Variants in CLDN11 observed in about 807,000 individuals in gnomAD.
CLDN11 encodes claudin 11.
CLDN11 carries 1 observed loss-of-function variant against 18.0 expected under a neutral mutation model. That is an observed-to-expected ratio of 0.06 (90% CI 0.02 to 0.26). CLDN11 has a LOEUF of 0.26. Ranked by LOEUF, CLDN11 falls within the 10% of genes least tolerant of loss-of-function variation. The pLI is 1.00. For synonymous variants in CLDN11, 116 were observed against 121.5 expected (o/e 0.96, Z 0.30); for missense variants, 172 against 276.6 (o/e 0.62, Z 2.68).
rs1386592188 is a variant in CLDN11, at chr3:170,419,123, C to T, written c.57C>T (p.Ile19=). 1.3e-6 allele frequency: 2 copies of T among 1,551,904 alleles called. No individual in the cohort carries two copies. The highest frequency in any genetic ancestry group is 1.7e-6 in the Non-Finnish European group (2 of 1,147,350). ...VGFVTSFVGW[I]GVIVTTSTND... ...TCGTCACGAGCTTCGTGGGCTGGAT[C>T]GGGGTCATCGTGACCACCTCCACCA... is the stretch of plus-strand genomic sequence containing the variant. The change falls in exon 1 of 3, where the codon ATC becomes ATT. Residue 19 remains isoleucine (I), a synonymous_variant. Transcript: ENST00000064724. The surrounding 1 kb of genome is among the most constrained non-coding windows in gnomAD (Gnocchi z 8.6).
intron 1 of CLDN11, 41 bp from the exon 2 acceptor site, chr3:170,423,122 C>T (rs765803426): frequency 1.2e-6 from 2 of 1,611,026 alleles, no homozygotes; most frequent in Non-Finnish European, 1.7e-6. Context: ...AGCAAGAGAA[C>T]CCTGTGGTCT....
rs550145717 is a variant in CLDN11, at chr3:170,421,309, C to T, written c.227-1854C>T. ...CAGCCAGTGCCATGGATTTCAGAAC[C>T]TGCATTGCCAGTTGACTGCCTGCTT... On this transcript the variant is annotated intron_variant, in intron 1 of 2. Transcript: ENST00000064724. The T allele has an allele frequency of 5.0e-5, 49 of 985,866 alleles. No homozygotes were observed. In the African/African-American group the frequency reaches 8.4e-4, roughly 17 times the overall value. 61.1% of individuals were successfully genotyped at this position (985,866 alleles called of 1,614,324 possible). A position where few individuals can be genotyped will look rare whatever the true frequency, so the allele number is the denominator to read the frequency against.
Position 170,432,683 on chromosome 3 carries a change from C to G in CLDN11, c.551C>G (p.Ala184Gly). ...CTCTGCTGCGCTGGAGATGCCCAGGCCTTTGGTGAAAACCGTTTCTACTAC... is the reference window on the plus strand; with the variant it reads ...CTCTGCTGCGCTGGAGATGCCCAGGGCTTTGGTGAAAACCGTTTCTACTAC... ...VILCCAGDAQ[A>G]FGENRFYYTA... is the part of the protein sequence containing the mutation. The change falls in exon 3 of 3, where the codon GCC becomes GGC. Residue 184 changes from alanine (A) to glycine (G), a missense_variant. Ala to Gly is a moderately conservative substitution (Grantham distance 60, BLOSUM62 0). Coordinates refer to ENST00000064724, the MANE Select transcript of CLDN11 (RefSeq NM_005602.6). 1 of 1,614,188 alleles carries G rather than the reference C, an allele frequency of 6.2e-7. No individual in the cohort carries two copies. The highest frequency in any genetic ancestry group is 8.5e-7 in the Non-Finnish European group (1 of 1,180,034).
intron 2 of CLDN11, among the ~76,000 whole-genome samples, chr3:170,426,433 T>C (rs1738855848): frequency 6.6e-6 from 1 of 152,154 alleles, no homozygotes; most frequent in Admixed American, 6.5e-5. Context: ...GTTTGTGGCT[T>C]TTCAAGAGTC....
intron 2 of CLDN11, among the ~76,000 whole-genome samples, chr3:170,426,537 C>G (rs912708917): frequency 6.6e-6 from 1 of 152,204 alleles, no homozygotes; most frequent in African/African-American, 2.4e-5. Flanking sequence ...CTACTACTTT[C>G]TAGCTGTGTG....
intron 2 of CLDN11, among the ~76,000 whole-genome samples, chr3:170,429,830 C>CT (rs1338183080): frequency 3.3e-5 from 5 of 152,190 alleles, no homozygotes; most frequent in Non-Finnish European, 7.3e-5. Context: ...GTGGGGAATG[C>CT]TTTCCTGCAT....
At chr3:170,420,683 C>G (rs546324036) in intron 1 of CLDN11, among the ~76,000 whole-genome samples, 10 of 152,300 alleles carry the variant, frequency 6.6e-5, no homozygotes, top group African/African-American at 2.4e-4. Flanking sequence ...GCAGTGCTTG[C>G]CTGGTTTGCC....
Position 170,421,726 on chromosome 3 carries a change from T to C in CLDN11, c.227-1437T>C, listed in dbSNP as rs372797042. ...CCTTTTTTAAGAGGAGGGAGAGTTTTAATGAGAAACATTACATTTGAAAGT... is the reference window on the plus strand; with the variant it reads ...CCTTTTTTAAGAGGAGGGAGAGTTTCAATGAGAAACATTACATTTGAAAGT... On this transcript the variant is annotated intron_variant, in intron 1 of 2. Transcript: ENST00000064724. 5.9e-4 allele frequency among the ~76,000 whole-genome samples: 90 copies of C among 152,350 alleles called. 1 individual carries two copies. The highest frequency in any genetic ancestry group is 2.1e-3 in the African/African-American group (87 of 41,570).
chr3:170,433,377 A>G lies in CLDN11; in HGVS notation c.*621A>G, dbSNP rs144763446. The G allele has an allele frequency of 0.011, 1,675 of 152,144 alleles. 18 individuals are homozygous for G. Among genetic ancestry groups the G allele is most frequent in the Middle Eastern group, 0.068 (20 of 294 alleles). 9.4% of individuals were successfully genotyped at this position (152,144 alleles called of 1,614,324 possible). ...GTTGGTCTCGAACTCCTGGACTCAA[A>G]GTATCCTCCCGCCTCGGCCTCCCAA... On this transcript the variant is annotated 3_prime_UTR_variant, in exon 3 of 3. Transcript: ENST00000064724.
At chr3:170,423,000 A>T in intron 1 of CLDN11, 163 bp from the exon 2 acceptor site, 1 of 731,368 alleles carries the variant, frequency 1.4e-6, no homozygotes, top group Non-Finnish European at 2.2e-6. Context: ...TTGTTTTAAA[A>T]GTTAAAAAGT....
At chr3:170,430,940 CT>C (rs1375598700) in intron 2 of CLDN11, among the ~76,000 whole-genome samples, 2 of 152,184 alleles carry the variant, frequency 1.3e-5, no homozygotes, top group African/African-American at 4.8e-5. Flanking sequence ...TTCAAATTAA[CT>C]CTCTTCCTTC....
At chr3:170,432,493 G>A (rs369897123) in intron 2 of CLDN11, 31 bp from the exon 3 acceptor site, 74 of 1,608,600 alleles carry the variant, frequency 4.6e-5, no homozygotes, top group African/African-American at 1.5e-4. Context: ...TGATGGTTGC[G>A]CCCAGTCACC....
intron 2 of CLDN11, 49 bp from the exon 3 acceptor site, chr3:170,432,475 T>G (rs368710254): frequency 6.2e-7 from 1 of 1,606,756 alleles, no homozygotes; most frequent in South Asian, 1.1e-5. Context: ...GCCCAAGTGC[T>G]TGGTGTGTGA....
At chr3:170,427,158 T>C (rs1577471193) in intron 2 of CLDN11, among the ~76,000 whole-genome samples, 1 of 152,340 alleles carries the variant, frequency 6.6e-6, no homozygotes, top group East Asian at 1.9e-4. Context: ...GGCTGTAATA[T>C]ATGCTTCATC....
intron 2 of CLDN11, 109 bp from the exon 3 acceptor site, chr3:170,432,415 T>C (rs1199210050): frequency 2.0e-6 from 3 of 1,531,858 alleles, no homozygotes; most frequent in Non-Finnish European, 2.6e-6. Flanking sequence ...ATGGAGCTTT[T>C]TGGAGCTGGT....
Position 170,432,623 on chromosome 3 carries a change from G to C in CLDN11, c.491G>C (p.Gly164Ala), listed in dbSNP as rs1217592147. The C allele has an allele frequency of 6.2e-7, 1 of 1,614,134 alleles. No homozygotes were observed. The highest frequency in any genetic ancestry group is 8.5e-7 in the Non-Finnish European group (1 of 1,180,040). ...FGYSLYAGWIGAVLCLVGGCV... is the reference protein window; with the variant it reads ...FGYSLYAGWIAAVLCLVGGCV... The stretch of plus-strand genomic sequence containing the variant: ...TACTCCCTGTATGCAGGCTGGATTG[G>C]TGCTGTGCTGTGCCTCGTGGGTGGC... Residue 164 changes from glycine to alanine, a missense_variant, in exon 3 of 3, where the codon GGT becomes GCT. Physicochemically the swap from Gly to Ala is moderately conservative, Grantham distance 60. This residue lies in a region of CLDN11 where 161 missense variants were observed against 240.3 expected (regional missense o/e 0.67). Transcript: ENST00000064724.
At chr3:170,423,457 TC>T in intron 2 of CLDN11, 130 bp downstream of exon 2, 2 of 893,464 alleles carry the variant, frequency 2.2e-6, no homozygotes, top group Non-Finnish European at 3.5e-6. Flanking sequence ...GGGGATGGAC[TC>T]CCACAATCTG....
At chr3:170,425,660 A>G (rs1382905502) in intron 2 of CLDN11, among the ~76,000 whole-genome samples, 3 of 152,162 alleles carry the variant, frequency 2.0e-5, no homozygotes, top group Non-Finnish European at 4.4e-5. Context: ...GAGTGAAACT[A>G]TGGGGGAAGC....
chr3:170,427,806 CA>C (rs1175282704), intron 2 of CLDN11, among the ~76,000 whole-genome samples: 1,708 of 56,106 alleles, frequency 0.03, 25 homozygotes, highest in African/African-American at 0.085. Context: ...GAGACTGTCT[CA>C]AAAAAAAAAA....
Sources: gnomAD v4.1 joint callset for allele counts (sites outside exome capture counted in the v4.1 genomes callset) on GRCh38, gnomAD v4.1.1 for gene constraint, gnomAD v4.1.1 regional missense constraint, Gnocchi (gnomAD v3.1) non-coding constraint, MANE v1.5 for transcripts, NCBI Gene and HGNC (gene_info 2026-07-23, HGNC 2026-07-21) for gene names.